The following DCC variants were observed in gnomAD, a reference collection of about 807,000 sequenced individuals.
DCC encodes the protein DCC netrin 1 receptor.
DCC carries 58 observed loss-of-function variants against 172.5 expected under a neutral mutation model. The ratio of observed to expected loss-of-function variants is 0.34; its 90% CI spans 0.27 to 0.42. DCC has a LOEUF of 0.42. Ranked by LOEUF, DCC falls within the 10% of genes least tolerant of loss-of-function variation. The pLI is 1.00. For missense variants in DCC, 1,740 were observed against 1,791.0 expected (o/e 0.97, Z 0.51); for synonymous variants, 709 against 644.5 (o/e 1.10, Z -1.52).
chr18:52,391,847 G>C (rs768349396), intron 1 of DCC, among the ~76,000 whole-genome samples: 1 of 152,128 alleles, frequency 6.6e-6, no homozygotes, highest in Non-Finnish European at 1.5e-5. Context: ...ATATGGGCAC[G>C]CTGCTTTTCT....
intron 1 of DCC, among the ~76,000 whole-genome samples, chr18:52,604,773 A>G (rs1885987779): frequency 6.6e-6 from 1 of 152,100 alleles, no homozygotes; most frequent in Admixed American, 6.6e-5. Context: ...CATCCATCTC[A>G]TTGTCATTTA....
chr18:52,559,104 TG>T (rs1275413623), intron 1 of DCC, among the ~76,000 whole-genome samples: 2 of 129,354 alleles, frequency 1.5e-5, no homozygotes, highest in African/African-American at 2.7e-5. Flanking sequence ...CAGGTTTTTT[TG>T]TTTTGTTTTG....
chr18:53,178,965 A>G lies in DCC; in HGVS notation c.1422A>G (p.Glu474=). 6.2e-7 allele frequency: 1 copy of G among 1,613,988 alleles called. No individual in the cohort carries two copies. The highest frequency in any genetic ancestry group is 8.5e-7 in the Non-Finnish European group (1 of 1,179,886). The change falls in exon 9 of 29, where the codon GAA becomes GAG. Residue 474 remains glutamate, a synonymous_variant. Transcript: ENST00000442544. ...VFFSREGDNR[E]RALNTTQPGS... is the part of the protein sequence containing the mutation. ...CTCTGCAACTTTGATTTCTCAGGGA[A>G]CGAGCATTGAATACAACACAGCCTG...
In DCC at chr18:52,536,024, A is replaced by G. The variant is rs993205248; in HGVS notation, c.91+195146A>G. 1.7e-4 allele frequency among the ~76,000 whole-genome samples: 26 copies of G among 152,190 alleles called. 1 individual carries two copies. The highest frequency in any genetic ancestry group is 4.4e-5 in the Non-Finnish European group (3 of 68,024). ...CACTGAGAATGGAAGAAAAGTGGTG[A>G]AAGGTCATTTCAAACACAAGATCAG... is the stretch of plus-strand genomic sequence containing the variant. On this transcript the variant is annotated intron_variant, in intron 1 of 28. Coordinates refer to ENST00000442544, the MANE Select transcript of DCC (RefSeq NM_005215.4).
chr18:52,559,709 GA>G (rs1041189072), intron 1 of DCC, among the ~76,000 whole-genome samples: 21 of 146,152 alleles, frequency 1.4e-4, no homozygotes, highest in South Asian at 2.2e-4. Flanking sequence ...TTTACTCTTA[GA>G]AAAAAAAAAG....
chr18:52,541,336 T>C (rs2032441408), intron 1 of DCC, among the ~76,000 whole-genome samples: 2 of 152,250 alleles, frequency 1.3e-5, no homozygotes, highest in Non-Finnish European at 2.9e-5. Flanking sequence ...ATTTTAATTA[T>C]ATCTTCTCAT....
chr18:52,957,325 T>A (rs1342166331), intron 5 of DCC, among the ~76,000 whole-genome samples: 1 of 151,970 alleles, frequency 6.6e-6, no homozygotes, highest in South Asian at 2.1e-4. Context: ...GCTGGAAAAA[T>A]AGACATTTAT....
intron 1 of DCC, among the ~76,000 whole-genome samples, chr18:52,364,442 T>C (rs532688663): frequency 5.3e-5 from 8 of 152,360 alleles, no homozygotes; most frequent in African/African-American, 1.9e-4. Flanking sequence ...AAATAAATTA[T>C]ATTGCATATG....
At chr18:52,735,415 C>T (rs117936770) in intron 1 of DCC, among the ~76,000 whole-genome samples, 3,189 of 152,098 alleles carry the variant, frequency 0.021, 65 homozygotes, top group Non-Finnish European at 0.029. Context: ...ACAGAACTAA[C>T]GGGATAGATG....
At chr18:53,142,958 A>C (rs889050516) in intron 7 of DCC, among the ~76,000 whole-genome samples, 2 of 135,262 alleles carry the variant, frequency 1.5e-5, no homozygotes, top group African/African-American at 4.9e-5. Context: ...CAATCTGGGT[A>C]TATCCAAAGT....
At chr18:53,364,264 C>A (rs1006499769) in intron 15 of DCC, among the ~76,000 whole-genome samples, 3 of 152,076 alleles carry the variant, frequency 2.0e-5, no homozygotes, top group Non-Finnish European at 4.4e-5. Context: ...AATAAGATTT[C>A]TTGAGGTTGT....
At chr18:52,418,234 G>T (rs943764565) in intron 1 of DCC, among the ~76,000 whole-genome samples, 9 of 152,158 alleles carry the variant, frequency 5.9e-5, no homozygotes, top group African/African-American at 2.2e-4. Flanking sequence ...TCTGCCATTA[G>T]TTTTTTAATA....
At chr18:52,411,982 C>G (rs946181677) in intron 1 of DCC, among the ~76,000 whole-genome samples, 5 of 152,082 alleles carry the variant, frequency 3.3e-5, no homozygotes, top group Admixed American at 2.6e-4. Flanking sequence ...TTGCCACCCC[C>G]ACTTATTAAA....
chr18:53,097,700 G>T (rs1449961327), intron 7 of DCC, among the ~76,000 whole-genome samples: 2 of 152,112 alleles, frequency 1.3e-5, no homozygotes, highest in African/African-American at 4.8e-5. Context: ...GAGGTTAGAA[G>T]TCCATGATTA....
At chr18:52,386,440 G>T (rs761565636) in intron 1 of DCC, among the ~76,000 whole-genome samples, 4 of 152,014 alleles carry the variant, frequency 2.6e-5, no homozygotes, top group African/African-American at 7.3e-5. Context: ...ATCAGTAAAT[G>T]ATGTTTTTTC....
At chr18:52,856,516 C>T (rs1225793668) in intron 2 of DCC, among the ~76,000 whole-genome samples, 1 of 149,732 alleles carries the variant, frequency 6.7e-6, no homozygotes, top group East Asian at 2.1e-4. Context: ...GTTCCAGCTA[C>T]TCCGGAAGCT....
At chr18:52,929,445 T>C (rs1032122969) in intron 5 of DCC, among the ~76,000 whole-genome samples, 1 of 152,150 alleles carries the variant, frequency 6.6e-6, no homozygotes, top group African/African-American at 2.4e-5. Context: ...TAATAATTAG[T>C]CACTTACATA....
chr18:52,496,832 T>A (rs2144615940), intron 1 of DCC, among the ~76,000 whole-genome samples: 1 of 152,250 alleles, frequency 6.6e-6, no homozygotes, highest in South Asian at 2.1e-4. Flanking sequence ...AGATGTTTTA[T>A]TTTAAAATCT....
chr18:53,427,288 T>C (rs968203524), intron 21 of DCC, among the ~76,000 whole-genome samples: 1 of 152,108 alleles, frequency 6.6e-6, no homozygotes, highest in Non-Finnish European at 1.5e-5. Flanking sequence ...CTAGGATGAC[T>C]GTTACTTCAG....
Sources: gnomAD v4.1 joint callset for allele counts (sites outside exome capture counted in the v4.1 genomes callset) on GRCh38, gnomAD v4.1.1 for gene constraint, MANE v1.5 for transcripts, NCBI Gene and HGNC (gene_info 2026-07-23, HGNC 2026-07-21) for gene names.